BMP7: variants seen among roughly 807,000 people sequenced by gnomAD.
The protein encoded by BMP7 is bone morphogenetic protein 7.
A neutral mutation model predicts 41.2 loss-of-function variants in BMP7; 12 were observed. That is an observed-to-expected ratio of 0.29 (90% CI 0.19 to 0.47). The LOEUF (loss-of-function observed/expected upper bound fraction) is 0.47. Ranked by LOEUF, BMP7 falls within the 20% of genes least tolerant of loss-of-function variation. The probability of loss-of-function intolerance (pLI) is 0.99; values close to 1 mark genes in which losing one functional copy is unlikely to be tolerated. For missense variants in BMP7, 467 were observed against 606.0 expected (o/e 0.77, Z 2.41); for synonymous variants, 248 against 250.0 (o/e 0.99, Z 0.07).
At chr20:57,183,595 T>G (rs1036111527) in intron 4 of BMP7, 127 bp downstream of exon 4, 2 of 1,240,400 alleles carry the variant, frequency 1.6e-6, no homozygotes, top group Admixed American at 3.7e-5. Context: ...GTTTTCTTCC[T>G]GCTATATTTG....
chr20:57,260,832 A>G (rs2066151185), intron 1 of BMP7, among the ~76,000 whole-genome samples: 1 of 152,230 alleles, frequency 6.6e-6, no homozygotes. Context: ...CCAAGAAACC[A>G]GTGTGCCAAC....
intron 3 of BMP7, among the ~76,000 whole-genome samples, chr20:57,184,846 C>T (rs545832301): frequency 7.9e-5 from 12 of 152,310 alleles, no homozygotes; most frequent in Non-Finnish European, 1.5e-4. Context: ...AGGAGGGATT[C>T]CTCCCTAGAG....
chr20:57,210,553 C>G (rs113547126), intron 2 of BMP7, among the ~76,000 whole-genome samples: 1 of 152,218 alleles, frequency 6.6e-6, no homozygotes, highest in Non-Finnish European at 1.5e-5. Flanking sequence ...ATGCAGGACC[C>G]GGCCTCAGCG....
chr20:57,202,666 T>G, intron 2 of BMP7, 43 bp from the exon 3 acceptor site: 1 of 1,357,292 alleles, frequency 7.4e-7, no homozygotes, highest in Non-Finnish European at 9.8e-7. Flanking sequence ...GTTAGCCAGG[T>G]CACAGCTCCA....
At chr20:57,172,939 G>A (rs761127086) in intron 6 of BMP7, 28 of 605,928 alleles carry the variant, frequency 4.6e-5, no homozygotes, top group African/African-American at 3.7e-5. Context: ...ATCCTCAAAG[G>A]AGCCCATACA....
chr20:57,255,394 T>A (rs889310090), intron 1 of BMP7, among the ~76,000 whole-genome samples: 1 of 152,150 alleles, frequency 6.6e-6, no homozygotes, highest in African/African-American at 2.4e-5. Context: ...CACAGAAAGG[T>A]CTTAGCCCTC....
In BMP7 at chr20:57,213,092, T is replaced by C. The variant is rs1984932685; in HGVS notation, c.612-10469A>G. Among the ~76,000 whole-genome samples the C allele has an allele frequency of 6.6e-6, 1 of 152,234 alleles. No individual in the cohort carries two copies. Among genetic ancestry groups the C allele is most frequent in the African/African-American group, 2.4e-5 (1 of 41,460 alleles). On this transcript the variant is annotated intron_variant, in intron 2 of 6. Transcript: ENST00000395863. This position sits in a 1 kb window ranked among gnomAD's most constrained non-coding sequence, Gnocchi z 4.4. ...TACACAAAGAGGCACAATATCCTCC[T>C]GCCCCAGACAGAGCTCGGGTGGCCA...
chr20:57,216,867 G>A (rs1303200020), intron 2 of BMP7, among the ~76,000 whole-genome samples: 1 of 152,144 alleles, frequency 6.6e-6, no homozygotes, highest in African/African-American at 2.4e-5. Context: ...GGCTGGAGGA[G>A]AAATGCTGTC....
chr20:57,223,664 A>T (rs886588725), intron 2 of BMP7, among the ~76,000 whole-genome samples: 2 of 152,212 alleles, frequency 1.3e-5, no homozygotes, highest in African/African-American at 2.4e-5. Flanking sequence ...ATACATCTTC[A>T]TAGGAACCTT....
In BMP7 at chr20:57,266,335, C is replaced by G. The variant is rs553297927; in HGVS notation, c.-213G>C. 15 of 312,640 alleles carry G rather than the reference C, an allele frequency of 4.8e-5. No homozygotes were observed. Among genetic ancestry groups the G allele is most frequent in the Admixed American group, 2.6e-4 (5 of 19,260 alleles). 19.4% of individuals were successfully genotyped at this position (312,640 alleles called of 1,614,324 possible). ...CTGGCCCCGGGCCCCTCGCCCCGCA[C>G]TCGCCCGGGCGCACCGCAGGGCTTG... is the stretch of plus-strand genomic sequence containing the variant. On this transcript the variant is annotated 5_prime_UTR_variant, in exon 1 of 7. Transcript: ENST00000395863.
chr20:57,233,275 G>A (rs1249278758), intron 1 of BMP7, among the ~76,000 whole-genome samples: 2 of 152,098 alleles, frequency 1.3e-5, no homozygotes, highest in African/African-American at 2.4e-5. Flanking sequence ...GGCTGAGAGA[G>A]CTTACAGGCA....
chr20:57,265,538 C>T (rs935951610), intron 1 of BMP7, among the ~76,000 whole-genome samples, 167 bp downstream of exon 1: 2 of 152,250 alleles, frequency 1.3e-5, no homozygotes, highest in African/African-American at 4.8e-5. Context: ...TGGGGGCGCA[C>T]ACAGCTTGGG....
At chr20:57,229,105 G>C (rs1001616160) in intron 1 of BMP7, among the ~76,000 whole-genome samples, 1 of 152,168 alleles carries the variant, frequency 6.6e-6, no homozygotes, top group African/African-American at 2.4e-5. Context: ...GATCTGAAGC[G>C]CCTGCTGACT....
At chr20:57,265,330 C>T (rs547469668) in intron 1 of BMP7, among the ~76,000 whole-genome samples, 177 of 152,308 alleles carry the variant, frequency 1.2e-3, no homozygotes, top group Non-Finnish European at 1.7e-3. Flanking sequence ...AAGGCAGCCT[C>T]GCCGGGAAGG....
intron 2 of BMP7, among the ~76,000 whole-genome samples, chr20:57,206,816 T>C (rs1984743828): frequency 6.6e-6 from 1 of 152,238 alleles, no homozygotes; most frequent in Non-Finnish European, 1.5e-5. Context: ...TATTCTCTGC[T>C]AAACTTCAGG....
chr20:57,190,208 G>A (rs1233520893), intron 3 of BMP7, among the ~76,000 whole-genome samples: 1 of 151,136 alleles, frequency 6.6e-6, no homozygotes, highest in Non-Finnish European at 1.5e-5. Context: ...GAGAGTGAGC[G>A]AGGAACCAGA....
Position 57,210,463 on chromosome 20 carries a change from C to T in BMP7, c.612-7840G>A, listed in dbSNP as rs965493623. 5.9e-5 allele frequency among the ~76,000 whole-genome samples: 9 copies of T among 152,340 alleles called. 1 individual carries two copies. In the South Asian group the frequency reaches 1.9e-3, roughly 32 times the overall value. The stretch of plus-strand genomic sequence containing the variant: ...CCTTTTTTTGGCCTCTGGCTACCTA[C>T]CTAGAGGCTATTTAGAGACTGATCC... On this transcript the variant is annotated intron_variant, in intron 2 of 6. Coordinates refer to ENST00000395863, the MANE Select transcript of BMP7 (RefSeq NM_001719.3).
At chr20:57,234,694 C>T (rs886444348) in intron 1 of BMP7, among the ~76,000 whole-genome samples, 5 of 152,204 alleles carry the variant, frequency 3.3e-5, no homozygotes, top group Non-Finnish European at 7.3e-5. Flanking sequence ...ACCATGAAAA[C>T]CGCTTTCTTC....
intron 6 of BMP7, chr20:57,172,994 G>A: frequency 1.6e-6 from 1 of 630,860 alleles, no homozygotes; most frequent in Non-Finnish European, 2.8e-6. Flanking sequence ...TGAACTCCAG[G>A]GTCGAAGATT....
Sources: allele counts gnomAD v4.1 joint callset (sites outside exome capture counted in the v4.1 genomes callset), GRCh38; gene constraint gnomAD v4.1.1; non-coding constraint Gnocchi (gnomAD v3.1); transcripts MANE v1.5; gene names NCBI Gene and HGNC (gene_info 2026-07-23, HGNC 2026-07-21).